The following TCP11L2 variants were observed in gnomAD, a reference collection of about 807,000 sequenced individuals.
The protein encoded by TCP11L2 is t-complex 11 like 2, also known as T-complex protein 11-like protein 2.
In TCP11L2, 39 loss-of-function variants were observed where a neutral mutation model predicts 50.7. The observed-to-expected ratio is 0.77, with a 90% CI of 0.60 to 1.01. The LOEUF is 1.01. Ranked by LOEUF, TCP11L2 falls within the 50% of genes least tolerant of loss-of-function variation. TCP11L2 has a pLI of 0.00. For synonymous variants in TCP11L2, 192 were observed against 219.3 expected, an observed-to-expected ratio of 0.88 and a Z score of 1.10; for missense variants, 612 against 614.7, an observed-to-expected ratio of 1.00 and a Z score of 0.05.
rs1419877994 is a variant in TCP11L2 at position 106,336,454 on chromosome 12, A to G, written c.1142+241A>G. 1.2e-4 allele frequency among the ~76,000 whole-genome samples: 18 copies of G among 152,160 alleles called. 1 individual carries two copies. The highest frequency in any genetic ancestry group is 1.2e-3 in the Admixed American group (18 of 15,274). ...GGTGAGTGTAGTATTTCCACTTACAATGAATGTGTACAACAGCTTTTCTTT... is the reference window on the plus strand; with the variant it reads ...GGTGAGTGTAGTATTTCCACTTACAGTGAATGTGTACAACAGCTTTTCTTT... On this transcript the variant is annotated intron_variant, in intron 8 of 9. Transcript: ENST00000299045.
chr12:106,337,298 TAC>T (rs2035952203), intron 8 of TCP11L2, among the ~76,000 whole-genome samples: 1 of 152,210 alleles, frequency 6.6e-6, no homozygotes, highest in South Asian at 2.1e-4. Context: ...CCCATGTAGT[TAC>T]AGAATCCAAC....
upstream of TCP11L2, among the ~76,000 whole-genome samples, chr12:106,301,357 G>A (rs1006186807): frequency 1.3e-5 from 2 of 152,194 alleles, no homozygotes; most frequent in Non-Finnish European, 2.9e-5. Context: ...AATACTTAGA[G>A]TGCTTACTGT....
At chr12:106,338,221 G>T (rs142386814) in intron 8 of TCP11L2, among the ~76,000 whole-genome samples, 1 of 151,974 alleles carries the variant, frequency 6.6e-6, no homozygotes, top group Non-Finnish European at 1.5e-5. Context: ...GGTTTTTTAC[G>T]TGGGTAAATT....
chr12:106,305,879 A>T (rs1205585735), intron 1 of TCP11L2, among the ~76,000 whole-genome samples: 1 of 152,214 alleles, frequency 6.6e-6, no homozygotes, highest in African/African-American at 2.4e-5. Flanking sequence ...GAAGATCATG[A>T]AGGGTTAGTG....
rs533337238 is a variant in TCP11L2 at position 106,326,169 on chromosome 12, G to A, written c.772+2523G>A. 3.9e-5 allele frequency among the ~76,000 whole-genome samples: 6 copies of A among 152,196 alleles called. 1 individual carries two copies. The highest frequency in any genetic ancestry group is 1.2e-4 in the African/African-American group (5 of 41,534). The stretch of plus-strand genomic sequence containing the variant: ...AAGGCTGAGTTAGGTGGTTTCTGCC[G>A]AGATAATCAACACAATGGCCTTATA... On this transcript the variant is annotated intron_variant, in intron 6 of 9. Transcript: ENST00000299045.
At chr12:106,317,790 T>C (rs1333721665) in intron 3 of TCP11L2, among the ~76,000 whole-genome samples, 1 of 152,212 alleles carries the variant, frequency 6.6e-6, no homozygotes. Context: ...TTTTAAGGGA[T>C]TGACATAAGG....
intron 2 of TCP11L2, among the ~76,000 whole-genome samples, chr12:106,313,692 ATT>A (rs2034949886): frequency 6.6e-6 from 1 of 151,488 alleles, no homozygotes; most frequent in Non-Finnish European, 1.5e-5. Flanking sequence ...AATAAAAATA[ATT>A]TTATCAATTT....
At chr12:106,330,550 A>G (rs543083091) in intron 6 of TCP11L2, among the ~76,000 whole-genome samples, 1 of 152,256 alleles carries the variant, frequency 6.6e-6, no homozygotes, top group African/African-American at 2.4e-5. Flanking sequence ...CAAAATGTCA[A>G]TAGTGCCGAG....
At chr12:106,332,288 A>G (rs911561551) in intron 6 of TCP11L2, among the ~76,000 whole-genome samples, 4 of 152,234 alleles carry the variant, frequency 2.6e-5, no homozygotes, top group African/African-American at 7.2e-5. Flanking sequence ...CAACCTAGCA[A>G]TTGCAATACT....
At chr12:106,334,983 C>T (rs1005099976) in intron 6 of TCP11L2, among the ~76,000 whole-genome samples, 1 of 151,970 alleles carries the variant, frequency 6.6e-6, no homozygotes, top group Non-Finnish European at 1.5e-5. Flanking sequence ...TCAAAACTCC[C>T]CATTCCCATC....
At chr12:106,322,814 C>T (rs776091704) in intron 5 of TCP11L2, among the ~76,000 whole-genome samples, 1 of 152,160 alleles carries the variant, frequency 6.6e-6, no homozygotes, top group Non-Finnish European at 1.5e-5. Flanking sequence ...TCCTTAGAGT[C>T]GTGCTCGGCT....
chr12:106,335,787 A>G lies in TCP11L2; in HGVS notation c.921A>G (p.Lys307=). 2 of 1,614,164 alleles carry G rather than the reference A, an allele frequency of 1.2e-6. No homozygotes were observed. The highest frequency in any genetic ancestry group is 8.5e-7 in the Non-Finnish European group (1 of 1,180,032). Reference sequence around the variant, plus strand: ...TGGTGCTAAATAATAGTTACTTGAAACTGTTACAGTGGGATTATCAGAAAA... The same window carrying G: ...TGGTGCTAAATAATAGTTACTTGAAGCTGTTACAGTGGGATTATCAGAAAA... ...PTLVLNNSYL[K]LLQWDYQKKE... is the part of the protein sequence containing the mutation. The change falls in exon 7 of 10, where the codon AAA becomes AAG. Residue 307 remains lysine, a synonymous_variant. Transcript: ENST00000299045.
Position 106,340,967 on chromosome 12 carries a change from A to G in TCP11L2, c.1284A>G (p.Glu428=). The G allele has an allele frequency of 6.2e-7, 1 of 1,612,688 alleles. No homozygotes were observed. Among genetic ancestry groups the G allele is most frequent in the East Asian group, 2.2e-5 (1 of 44,818 alleles). ...ANLIGQFSSI[E]EEDNPIWSLI... ...TTATAGGTCAATTTTCAAGCATTGA[A>G]GAGGAGGACAATCCTATCTGGTCCT... Residue 428 remains glutamate, a synonymous_variant, in exon 9 of 10, where the codon GAA becomes GAG. Transcript: ENST00000299045.
chr12:106,345,717 A>AT, intron 9 of TCP11L2, among the ~76,000 whole-genome samples: 1 of 152,350 alleles, frequency 6.6e-6, no homozygotes, highest in East Asian at 1.9e-4. Context: ...GCTTAAAAAA[A>AT]ATAAGCATTT....
At chr12:106,336,284 G>A in intron 8 of TCP11L2, 71 bp downstream of exon 8, 2 of 1,383,852 alleles carry the variant, frequency 1.4e-6, no homozygotes, top group Non-Finnish European at 2.0e-6. Context: ...GAACAAGAAT[G>A]ACCTTGGACA....
chr12:106,323,224 G>T lies in TCP11L2; in HGVS notation c.636-286G>T, dbSNP rs142101317. 5.2e-3 allele frequency among the ~76,000 whole-genome samples: 796 copies of T among 152,058 alleles called. 7 individuals are homozygous for T. The highest frequency in any genetic ancestry group is 5.3e-3 in the Non-Finnish European group (357 of 67,974). On this transcript the variant is annotated intron_variant, in intron 5 of 9. Coordinates refer to ENST00000299045, the MANE Select transcript of TCP11L2 (RefSeq NM_152772.3). ...TAGAGGCCATATACCCTGTGTCCTG[G>T]CTCTTTAAAATTTCAGGGGTTTTCA... is the stretch of plus-strand genomic sequence containing the variant.
At chr12:106,298,419 T>TC (rs2034375882), upstream of TCP11L2, among the ~76,000 whole-genome samples, 1 of 152,192 alleles carries the variant, frequency 6.6e-6, no homozygotes, top group Non-Finnish European at 1.5e-5. Context: ...TATTGTATTT[T>TC]CCCCCTCACT....
At chr12:106,313,582 A>AAAATAAAT (rs71072668) in intron 2 of TCP11L2, among the ~76,000 whole-genome samples, 31,466 of 139,090 alleles carry the variant, frequency 0.23, 3,881 homozygotes, top group Non-Finnish European at 0.25. Context: ...CCATCTCAAA[A>AAAATAAAT]AAATAAATAA....
At chr12:106,328,741 A>T (rs2035642230) in intron 6 of TCP11L2, among the ~76,000 whole-genome samples, 1 of 152,232 alleles carries the variant, frequency 6.6e-6, no homozygotes, top group Non-Finnish European at 1.5e-5. Flanking sequence ...AAGTGAATGG[A>T]AGGATGGAGG....
Sources: allele counts gnomAD v4.1 joint callset (sites outside exome capture counted in the v4.1 genomes callset), GRCh38; gene constraint gnomAD v4.1.1; transcripts MANE v1.5; gene names NCBI Gene and HGNC (gene_info 2026-07-23, HGNC 2026-07-21).